The following MGAT4C variants were observed in gnomAD, a reference collection of about 807,000 sequenced individuals.
The protein encoded by MGAT4C is MGAT4 family member C, also known as alpha-1,3-mannosyl-glycoprotein 4-beta-N-acetylglucosaminyltransferase C.
MGAT4C carries 19 observed loss-of-function variants against 40.1 expected under a neutral mutation model. The observed-to-expected ratio is 0.47, with a 90% CI of 0.33 to 0.70. MGAT4C has a LOEUF of 0.70. Ranked by LOEUF, MGAT4C falls within the 30% of genes least tolerant of loss-of-function variation. The pLI is 0.02. For synonymous variants in MGAT4C, 181 were observed against 187.1 expected, an observed-to-expected ratio of 0.97 and a Z score of 0.27; for missense variants, 491 against 563.2, an observed-to-expected ratio of 0.87 and a Z score of 1.30.
chr12:86,366,236 G>T (rs531369585), intron 3 of MGAT4C, among the ~76,000 whole-genome samples: 1 of 152,214 alleles, frequency 6.6e-6, no homozygotes, highest in South Asian at 2.1e-4. Context: ...TTTGTACATT[G>T]ATTTTGCATC....
chr12:86,295,150 T>C (rs554839655), intron 4 of MGAT4C, among the ~76,000 whole-genome samples: 41 of 152,336 alleles, frequency 2.7e-4, no homozygotes, highest in African/African-American at 9.9e-4. Flanking sequence ...TATATTTTAG[T>C]TCTCTGAAAA....
At chr12:86,095,858 T>C (rs564089563) in intron 1 of MGAT4C, among the ~76,000 whole-genome samples, 1 of 152,018 alleles carries the variant, frequency 6.6e-6, no homozygotes, top group East Asian at 1.9e-4. Flanking sequence ...CATTTTATAT[T>C]GACTATTACT....
At chr12:86,806,544 C>T (rs1285610908) in intron 1 of MGAT4C, among the ~76,000 whole-genome samples, 2 of 151,858 alleles carry the variant, frequency 1.3e-5, no homozygotes, top group East Asian at 3.9e-4. Context: ...ATTTACTGAA[C>T]AGTTCCATTA....
intron 2 of MGAT4C, among the ~76,000 whole-genome samples, chr12:86,692,836 G>A (rs1338250956): frequency 6.6e-6 from 1 of 152,144 alleles, no homozygotes; most frequent in African/African-American, 2.4e-5. Context: ...TTGTCTACCT[G>A]AGACGAGTGT....
At chr12:86,209,518 T>G (rs1448225745) in intron 1 of MGAT4C, among the ~76,000 whole-genome samples, 1 of 152,132 alleles carries the variant, frequency 6.6e-6, no homozygotes, top group Non-Finnish European at 1.5e-5. Flanking sequence ...CTACAATATG[T>G]TTAGCAATTT....
At chr12:86,536,322 T>C (rs777531626) in intron 2 of MGAT4C, among the ~76,000 whole-genome samples, 1 of 152,148 alleles carries the variant, frequency 6.6e-6, no homozygotes, top group Non-Finnish European at 1.5e-5. Context: ...AATCTAACCT[T>C]TGGAAGTGTA....
chr12:86,011,572 A>G (rs1888463628), intron 2 of MGAT4C, among the ~76,000 whole-genome samples: 1 of 152,312 alleles, frequency 6.6e-6, no homozygotes, highest in Middle Eastern at 3.4e-3. Context: ...TTGTTGGCTT[A>G]TAATAGTATA....
At chr12:86,472,359 T>C (rs538989630) in intron 2 of MGAT4C, among the ~76,000 whole-genome samples, 23 of 152,270 alleles carry the variant, frequency 1.5e-4, no homozygotes, top group South Asian at 1.2e-3. Flanking sequence ...CCTAAGGAGG[T>C]TTCCTGTCTT....
At chr12:86,557,131 C>T (rs1330601762) in intron 2 of MGAT4C, among the ~76,000 whole-genome samples, 1 of 152,008 alleles carries the variant, frequency 6.6e-6, no homozygotes, top group Non-Finnish European at 1.5e-5. Context: ...TGATATTTAT[C>T]TATTTTTGTT....
chr12:86,789,199 T>A (rs2136191210), intron 1 of MGAT4C, among the ~76,000 whole-genome samples: 1 of 152,264 alleles, frequency 6.6e-6, no homozygotes, highest in Non-Finnish European at 1.5e-5. Flanking sequence ...TTGCTACTAA[T>A]AATAGCTGAA....
chr12:86,519,639 G>C (rs1201309254), intron 2 of MGAT4C, among the ~76,000 whole-genome samples: 1 of 152,016 alleles, frequency 6.6e-6, no homozygotes, highest in Non-Finnish European at 1.5e-5. Flanking sequence ...TTTGATTTGT[G>C]ATTCTTTGAT....
intron 2 of MGAT4C, among the ~76,000 whole-genome samples, chr12:86,711,655 T>G (rs1950558159): frequency 1.3e-5 from 2 of 152,102 alleles, no homozygotes; most frequent in Admixed American, 6.6e-5. Context: ...GAAAAAAATA[T>G]GAAAACAAGA....
intron 1 of MGAT4C, among the ~76,000 whole-genome samples, chr12:86,814,047 A>T (rs1292860103): frequency 5.3e-5 from 8 of 151,806 alleles, no homozygotes; most frequent in Non-Finnish European, 8.8e-5. Context: ...ATTAGCTGGG[A>T]CTACAGGTGC....
intron 1 of MGAT4C, among the ~76,000 whole-genome samples, chr12:86,069,680 C>T (rs1894885910): frequency 6.6e-6 from 1 of 152,138 alleles, no homozygotes; most frequent in South Asian, 2.1e-4. Context: ...GGTAACTGTG[C>T]TGGCCCCATA....
Position 86,768,356 on chromosome 12 carries a change from T to G in MGAT4C, c.-261-41115A>C, listed in dbSNP as rs375162489. Among the ~76,000 whole-genome samples the G allele has an allele frequency of 5.0e-4, 76 of 152,056 alleles. 1 individual carries two copies. Among genetic ancestry groups the G allele is most frequent in the Admixed American group, 1.3e-3 (20 of 15,254 alleles). The stretch of plus-strand genomic sequence containing the variant: ...AGGAGAACAACAAACCACTGCTCAA[T>G]GAAATAAAAGAGGATACAAACAAAT... On this transcript the variant is annotated intron_variant, in intron 1 of 7. Transcript: ENST00000548651.
At chr12:86,586,822 G>A (rs1428809165) in intron 2 of MGAT4C, among the ~76,000 whole-genome samples, 1 of 151,830 alleles carries the variant, frequency 6.6e-6, no homozygotes, top group Non-Finnish European at 1.5e-5. Flanking sequence ...TTGTAAATTT[G>A]TTGGAGTTCA....
chr12:86,527,347 G>C (rs1167105310), intron 2 of MGAT4C, among the ~76,000 whole-genome samples: 1 of 151,992 alleles, frequency 6.6e-6, no homozygotes, highest in African/African-American at 2.4e-5. Flanking sequence ...CTTTTCCATT[G>C]GCCTATGTGT....
intron 1 of MGAT4C, among the ~76,000 whole-genome samples, chr12:86,744,736 TG>T (rs1470454747): frequency 2.0e-5 from 3 of 151,566 alleles, no homozygotes; most frequent in African/African-American, 7.3e-5. Context: ...AGTATGGATG[TG>T]GGTGTGTCTT....
At chr12:86,483,388 A>G (rs1055720669) in intron 2 of MGAT4C, among the ~76,000 whole-genome samples, 2 of 152,126 alleles carry the variant, frequency 1.3e-5, no homozygotes, top group Admixed American at 6.6e-5. Context: ...TATTTAATAA[A>G]TAACATTTTA....
Sources: allele counts gnomAD v4.1 joint callset (sites outside exome capture counted in the v4.1 genomes callset), GRCh38; gene constraint gnomAD v4.1.1; transcripts MANE v1.5; gene names NCBI Gene and HGNC (gene_info 2026-07-23, HGNC 2026-07-21).